The following MAGI2 variants were observed in gnomAD, a reference collection of about 807,000 sequenced individuals.
MAGI2 encodes membrane associated guanylate kinase, WW and PDZ domain containing 2.
Under a neutral mutation model 133.3 loss-of-function variants are expected in MAGI2, and 35 were observed. The ratio of observed to expected loss-of-function variants is 0.26; its 90% CI spans 0.20 to 0.35. The LOEUF (loss-of-function observed/expected upper bound fraction) is 0.35, where lower values mean the gene tolerates loss of function less well. Among genes scored for constraint, MAGI2 ranks in the 10% least tolerant of loss-of-function variants. MAGI2 has a pLI of 1.00. For synonymous variants in MAGI2, 729 were observed against 710.6 expected (o/e 1.03, Z -0.41); for missense variants, 1,636 against 1,863.4 (o/e 0.88, Z 2.25).
intron 2 of MAGI2, among the ~76,000 whole-genome samples, chr7:78,754,898 G>A (rs973639870): frequency 3.9e-5 from 6 of 152,180 alleles, no homozygotes; most frequent in Admixed American, 1.3e-4. Context: ...TCTGCTTCCT[G>A]AGGAAGTCCT....
intron 1 of MAGI2, among the ~76,000 whole-genome samples, chr7:79,119,422 C>T (rs1015425145): frequency 2.0e-5 from 3 of 152,036 alleles, no homozygotes; most frequent in African/African-American, 2.4e-5. Context: ...GGAATGAATA[C>T]CATTTGCCTG....
chr7:79,045,567 C>T (rs762356437), intron 1 of MAGI2, among the ~76,000 whole-genome samples: 1 of 152,040 alleles, frequency 6.6e-6, no homozygotes, highest in African/African-American at 2.4e-5. Flanking sequence ...CGGAGGCAGG[C>T]GGATCACGAG....
chr7:78,938,101 C>T (rs751324874), intron 2 of MAGI2, among the ~76,000 whole-genome samples: 80 of 151,854 alleles, frequency 5.3e-4, no homozygotes, highest in Non-Finnish European at 9.0e-4. Context: ...GATATTTCTA[C>T]ACAAAACAAC....
chr7:78,846,927 G>A (rs531314540), intron 2 of MAGI2, among the ~76,000 whole-genome samples: 2 of 151,984 alleles, frequency 1.3e-5, no homozygotes, highest in South Asian at 4.2e-4. Flanking sequence ...AGCTTAGCTA[G>A]CCTGGAAAAG....
intron 2 of MAGI2, among the ~76,000 whole-genome samples, chr7:78,858,835 G>T (rs1337328471): frequency 6.6e-6 from 1 of 151,992 alleles, no homozygotes; most frequent in Admixed American, 6.6e-5. Flanking sequence ...TTGACAGTGG[G>T]GTGTTAAAGT....
At chr7:78,231,631 A>G (rs1789981692) in intron 10 of MAGI2, among the ~76,000 whole-genome samples, 2 of 152,202 alleles carry the variant, frequency 1.3e-5, no homozygotes, top group Non-Finnish European at 2.9e-5. Flanking sequence ...TACTGGCACC[A>G]TCTTCAAATA....
chr7:79,358,551 A>G (rs549025099), intron 1 of MAGI2, among the ~76,000 whole-genome samples: 5 of 152,282 alleles, frequency 3.3e-5, no homozygotes, highest in African/African-American at 1.2e-4. Flanking sequence ...AAGAGGAAAT[A>G]GAGATGCAAT....
chr7:78,989,212 A>T (rs1805533890), intron 2 of MAGI2, among the ~76,000 whole-genome samples: 1 of 152,030 alleles, frequency 6.6e-6, no homozygotes, highest in Non-Finnish European at 1.5e-5. Flanking sequence ...CTGTAAATAA[A>T]AACTACCATT....
At chr7:79,010,752 A>G (rs1435317198) in intron 1 of MAGI2, among the ~76,000 whole-genome samples, 1 of 152,030 alleles carries the variant, frequency 6.6e-6, no homozygotes, top group Non-Finnish European at 1.5e-5. Flanking sequence ...TATTTGAATA[A>G]CTATTGACTT....
intron 1 of MAGI2, among the ~76,000 whole-genome samples, chr7:79,155,833 T>C (rs901532538): frequency 5.3e-5 from 8 of 152,142 alleles, no homozygotes; most frequent in Non-Finnish European, 7.4e-5. Flanking sequence ...GTGGGCCTTG[T>C]TGAAGACTGG....
At chr7:78,855,225 T>C (rs772581439) in intron 2 of MAGI2, among the ~76,000 whole-genome samples, 1 of 152,098 alleles carries the variant, frequency 6.6e-6, no homozygotes, top group Non-Finnish European at 1.5e-5. Flanking sequence ...TAGCTGGGAC[T>C]ACAGGAACTC....
rs867457725 is a variant in MAGI2, at chr7:78,790,823, T to C, written c.419-163584A>G. The stretch of plus-strand genomic sequence containing the variant: ...CTCACTATACACTTACTATGCCAGG[T>C]ACTATGTACGTAAGTGTCATAGGTA... On this transcript the variant is annotated intron_variant, in intron 2 of 21. Transcript: ENST00000354212. Among the ~76,000 whole-genome samples the C allele has an allele frequency of 2.6e-5, 4 of 152,140 alleles. No homozygotes were observed. In the South Asian group the frequency reaches 6.2e-4, roughly 24 times the overall value.
intron 2 of MAGI2, among the ~76,000 whole-genome samples, chr7:78,906,026 A>G (rs1460541672): frequency 1.3e-5 from 2 of 152,220 alleles, no homozygotes; most frequent in Non-Finnish European, 2.9e-5. Context: ...AAAGAACTAA[A>G]GCAGAAGAAA....
intron 1 of MAGI2, among the ~76,000 whole-genome samples, chr7:79,332,167 G>T (rs1036539957): frequency 2.0e-5 from 3 of 152,098 alleles, no homozygotes; most frequent in African/African-American, 4.8e-5. Flanking sequence ...GATCCACAAG[G>T]GATGATTAGT....
rs141264435 is a variant in MAGI2 at position 78,171,988 on chromosome 7, C to A, written c.2404-3880G>T. ...CAAGAAAGAACTTCTCCATGAACAA[C>A]TGATCTGTGGCCCTATCTTTTCAAT... On this transcript the variant is annotated intron_variant, in intron 14 of 21. Transcript: ENST00000354212. 1.0e-3 allele frequency among the ~76,000 whole-genome samples: 155 copies of A among 152,252 alleles called. 2 individuals carry two copies. Among genetic ancestry groups the A allele is most frequent in the Admixed American group, 5.6e-3 (85 of 15,304 alleles).
chr7:78,163,064 C>T (rs567819104), intron 15 of MAGI2, among the ~76,000 whole-genome samples: 2 of 152,276 alleles, frequency 1.3e-5, no homozygotes, highest in East Asian at 1.9e-4. Flanking sequence ...ATTCATCTAG[C>T]TCATACACAA....
intron 1 of MAGI2, among the ~76,000 whole-genome samples, chr7:79,168,897 T>G (rs1350647822): frequency 7.1e-3 from 56 of 7,856 alleles, no homozygotes; most frequent in Middle Eastern, 0.1. Context: ...TAGATATATA[T>G]ATATATATAT....
rs1044809695 is a variant in MAGI2 at position 78,988,994 on chromosome 7, C to T, written c.418+18096G>A. On this transcript the variant is annotated intron_variant, in intron 2 of 21. Coordinates refer to ENST00000354212, the MANE Select transcript of MAGI2 (RefSeq NM_012301.4). ...ACAGAAAATAAATAGTTGCATAACTCTGTAGTAATGTATATGCAGAGGTGC... is the reference window on the plus strand; with the variant it reads ...ACAGAAAATAAATAGTTGCATAACTTTGTAGTAATGTATATGCAGAGGTGC... Among the ~76,000 whole-genome samples the T allele has an allele frequency of 2.2e-4, 33 of 152,042 alleles. 2 individuals carry two copies. The highest frequency in any genetic ancestry group is 5.2e-4 in the Admixed American group (8 of 15,246).
At chr7:78,524,382 C>G (rs1796773637) in intron 3 of MAGI2, among the ~76,000 whole-genome samples, 1 of 151,974 alleles carries the variant, frequency 6.6e-6, no homozygotes, top group African/African-American at 2.4e-5. Flanking sequence ...TTAAAAAAAA[C>G]TGTAAAAATT....
Sources: allele counts gnomAD v4.1 joint callset (sites outside exome capture counted in the v4.1 genomes callset), GRCh38; gene constraint gnomAD v4.1.1; transcripts MANE v1.5; gene names NCBI Gene and HGNC (gene_info 2026-07-23, HGNC 2026-07-21).